GOLGA5: variants seen among roughly 807,000 people sequenced by gnomAD.
GOLGA5 encodes golgin subfamily A member 5.
A neutral mutation model predicts 93.5 loss-of-function variants in GOLGA5; 50 were observed. That is an observed-to-expected ratio of 0.53 (90% CI 0.43 to 0.68). The LOEUF (loss-of-function observed/expected upper bound fraction) is 0.68, where lower values mean the gene tolerates loss of function less well. GOLGA5 is among the 30% of genes least tolerant of loss of function. GOLGA5 has a pLI of 0.00. For missense variants in GOLGA5, 760 were observed against 856.4 expected (o/e 0.89, Z 1.40); for synonymous variants, 312 against 304.5 (o/e 1.02, Z -0.26).
chr14:92,815,646 G>A (rs889190538), intron 6 of GOLGA5, among the ~76,000 whole-genome samples: 1 of 151,530 alleles, frequency 6.6e-6, no homozygotes, highest in Non-Finnish European at 1.5e-5. Context: ...AGACCGGCCT[G>A]GGCAACATAG....
At chr14:92,838,670 A>G (rs1433074813) in intron 12 of GOLGA5, among the ~76,000 whole-genome samples, 1 of 152,136 alleles carries the variant, frequency 6.6e-6, no homozygotes, top group Non-Finnish European at 1.5e-5. Context: ...CTGGCATAAT[A>G]ACAAGTTTTT....
chr14:92,810,472 C>G (rs1885081872), intron 5 of GOLGA5, 95 bp downstream of exon 5: 1 of 862,826 alleles, frequency 1.2e-6, no homozygotes, highest in Non-Finnish European at 1.7e-6. Flanking sequence ...TAATATAATT[C>G]TGCAATGCAT....
intron 4 of GOLGA5, 69 bp downstream of exon 4, chr14:92,809,588 G>A (rs1221842140): frequency 2.6e-5 from 24 of 917,816 alleles, no homozygotes; most frequent in Non-Finnish European, 3.6e-5. Flanking sequence ...ATCCACTTAT[G>A]AAACTTAGCT....
At chr14:92,823,569 C>G (rs532563875) in intron 8 of GOLGA5, among the ~76,000 whole-genome samples, 1 of 151,738 alleles carries the variant, frequency 6.6e-6, no homozygotes, top group Non-Finnish European at 1.5e-5. Flanking sequence ...CACGCACCAC[C>G]GAGCCTGGCT....
intron 11 of GOLGA5, among the ~76,000 whole-genome samples, 193 bp from the exon 12 acceptor site, chr14:92,837,193 C>G (rs933248016): frequency 6.6e-6 from 1 of 152,096 alleles, no homozygotes; most frequent in African/African-American, 2.4e-5. Flanking sequence ...ATTTATTTAC[C>G]TCTATGACAT....
In GOLGA5 at chr14:92,811,636, C is replaced by T; in HGVS notation, c.1202C>T (p.Ser401Leu). ...ATTACACTGGCCGAAAGAAAATACT[C>T]AGATGAGAAGAAGAGGGTTGATGAA... ...EAITLAERKY[S>L]DEKKRVDELQ... Residue 401 changes from serine to leucine, a missense_variant, in exon 6 of 13, where the codon TCA becomes TTA. By Grantham distance (145) the Ser-to-Leu change is moderately radical (BLOSUM62 -2). Transcript: ENST00000163416. The T allele has an allele frequency of 6.2e-7, 1 of 1,611,846 alleles. No homozygotes were observed. Among genetic ancestry groups the T allele is most frequent in the Non-Finnish European group, 8.5e-7 (1 of 1,178,298 alleles).
chr14:92,820,063 G>C lies in GOLGA5; in HGVS notation c.1620+227G>C, dbSNP rs182885339. ...ACTGAGAAAAGAAATAAGACACAGA[G>C]ACAAAGTATAGAGAAAGAACAGTGG... On this transcript the variant is annotated intron_variant, in intron 8 of 12. Coordinates refer to ENST00000163416, the MANE Select transcript of GOLGA5 (RefSeq NM_005113.4). Among the ~76,000 whole-genome samples the C allele has an allele frequency of 4.5e-3, 681 of 152,288 alleles. 8 individuals are homozygous for C. The highest frequency in any genetic ancestry group is 0.015 in the African/African-American group (639 of 41,550).
chr14:92,796,690 G>A (rs896843081), intron 1 of GOLGA5, among the ~76,000 whole-genome samples: 20 of 151,486 alleles, frequency 1.3e-4, no homozygotes, highest in African/African-American at 4.6e-4. Context: ...GATTTGCCCG[G>A]CCGGGCGCGG....
rs114319906 is a variant in GOLGA5 at position 92,813,320 on chromosome 14, T to G, written c.1320+1566T>G. Among the ~76,000 whole-genome samples the G allele has an allele frequency of 2.2e-3, 339 of 152,338 alleles. 2 individuals carry two copies. The highest frequency in any genetic ancestry group is 7.7e-3 in the African/African-American group (319 of 41,576). On this transcript the variant is annotated intron_variant, in intron 6 of 12. Coordinates refer to ENST00000163416, the MANE Select transcript of GOLGA5 (RefSeq NM_005113.4). ...CTCTTCCTTTAAGAAAACATTCATC[T>G]TAGTGGAAAGAAACAGATAATTGAC...
At chr14:92,817,690 T>C (rs1430976106) in intron 7 of GOLGA5, among the ~76,000 whole-genome samples, 2 of 152,168 alleles carry the variant, frequency 1.3e-5, no homozygotes, top group African/African-American at 4.8e-5. Context: ...ATGCATTAAC[T>C]CTGCACATTG....
At position 92,816,412 on chromosome 14, in the gene GOLGA5, C is replaced by G. The variant is rs144281689; in HGVS notation, c.1482C>G (p.Ser494=). The G allele has an allele frequency of 8.1e-6, 13 of 1,613,288 alleles. No homozygotes were observed. Among genetic ancestry groups the G allele is most frequent in the Non-Finnish European group, 1.1e-5 (13 of 1,179,532 alleles). The part of the protein sequence containing the change: ...KLMGQIHQLR[S]ELQDMEAQQV... ...TGGGCCAGATACATCAGCTCAGATCCGAATTACAGGTAAGATTCATGGTGG... is the reference window on the plus strand; with the variant it reads ...TGGGCCAGATACATCAGCTCAGATCGGAATTACAGGTAAGATTCATGGTGG... The change falls in exon 7 of 13, where the codon TCC becomes TCG. Residue 494 remains serine (S), a synonymous_variant. Transcript: ENST00000163416.
intron 10 of GOLGA5, among the ~76,000 whole-genome samples, chr14:92,834,184 C>CTTTTTTTTTTTTTTT (rs35449807): frequency 1.9e-4 from 26 of 135,060 alleles, no homozygotes; most frequent in Non-Finnish European, 2.8e-4. Flanking sequence ...TAGGTTTCAC[C>CTTTTTTTTTTTTTTT]TTTTTTTTTT....
chr14:92,831,117 G>C (rs1205011695), intron 9 of GOLGA5, among the ~76,000 whole-genome samples: 1 of 152,152 alleles, frequency 6.6e-6, no homozygotes, highest in African/African-American at 2.4e-5. Flanking sequence ...ATTGGCAGTA[G>C]CATGTGTTGG....
At position 92,797,654 on chromosome 14, in the gene GOLGA5, C is replaced by T. The variant is rs748184546; in HGVS notation, c.217C>T (p.Gln73Ter). Residue 73 changes from glutamine to a stop codon, truncating the protein, a stop_gained, in exon 2 of 13, where the codon CAA becomes TAA. Coordinates refer to ENST00000163416, the MANE Select transcript of GOLGA5 (RefSeq NM_005113.4). LOFTEE classifies it high-confidence loss of function. ...ISSAADNIRN[Q>*]KATILAGTAN... ...ATCAGCAGCTGATAACATTCGAAAT[C>T]AAAAAGCCACCATCTTAGCTGGCAC... 6.2e-7 allele frequency: 1 copy of T among 1,613,566 alleles called. No individual in the cohort carries two copies.
intron 8 of GOLGA5, 117 bp downstream of exon 8, chr14:92,819,953 A>G: frequency 1.1e-6 from 1 of 910,216 alleles, no homozygotes; most frequent in Non-Finnish European, 1.7e-6. Context: ...GTTACCCCAC[A>G]AGTTCCTCCT....
intron 7 of GOLGA5, among the ~76,000 whole-genome samples, chr14:92,818,392 A>G (rs1885251757): frequency 6.6e-6 from 1 of 152,320 alleles, no homozygotes; most frequent in Middle Eastern, 3.4e-3. Flanking sequence ...AAATTTAGGC[A>G]TGGAGAAGGA....
At chr14:92,815,161 A>G (rs1250894999) in intron 6 of GOLGA5, among the ~76,000 whole-genome samples, 1 of 152,188 alleles carries the variant, frequency 6.6e-6, no homozygotes, top group African/African-American at 2.4e-5. Context: ...TTGGTGCTAA[A>G]ATACTATCTG....
In GOLGA5 at chr14:92,833,160, G is replaced by A; in HGVS notation, c.1758G>A (p.Glu586=). The change falls in exon 10 of 13, where the codon GAG becomes GAA. Residue 586 remains glutamate, a synonymous_variant. Transcript: ENST00000163416. ...CTTTAAGCAATAGCAGTCAGTCTGA[G>A]TTAGAAAATCGACTCCATCAGCTAA... ...NKTLSNSSQS[E]LENRLHQLTE... is the part of the protein sequence containing the mutation. 4 of 1,495,302 alleles carry A rather than the reference G, an allele frequency of 2.7e-6. No homozygotes were observed. The highest frequency in any genetic ancestry group is 3.7e-6 in the Non-Finnish European group (4 of 1,089,372). 92.6% of individuals were successfully genotyped at this position (1,495,302 alleles called of 1,614,324 possible).
intron 6 of GOLGA5, among the ~76,000 whole-genome samples, chr14:92,812,963 T>G (rs961886582): frequency 3.7e-4 from 57 of 152,208 alleles, no homozygotes; most frequent in Non-Finnish European, 1.6e-4. Context: ...AGTGCCCAGC[T>G]GCCTACTGTG....
Sources: gnomAD v4.1 joint callset for allele counts (sites outside exome capture counted in the v4.1 genomes callset) on GRCh38, gnomAD v4.1.1 for gene constraint, MANE v1.5 for transcripts, NCBI Gene and HGNC (gene_info 2026-07-23, HGNC 2026-07-21) for gene names.